The following DOCK1 variants were observed in gnomAD, a reference collection of about 807,000 sequenced individuals.
DOCK1 encodes dedicator of cytokinesis protein 1.
Under a neutral mutation model 262.7 loss-of-function variants are expected in DOCK1, and 138 were observed. The observed-to-expected ratio is 0.53, with a 90% CI of 0.46 to 0.61. The LOEUF (loss-of-function observed/expected upper bound fraction) is 0.61. Among genes scored for constraint, DOCK1 ranks in the 20% least tolerant of loss-of-function variants. The pLI is 0.00. For missense variants in DOCK1, 1,908 were observed against 2,370.7 expected (o/e 0.80, Z 4.05); for synonymous variants, 866 against 867.4 (o/e 1.00, Z 0.03).
chr10:127,020,326 C>T (rs1298214189), intron 13 of DOCK1, among the ~76,000 whole-genome samples: 1 of 152,150 alleles, frequency 6.6e-6, no homozygotes, highest in Non-Finnish European at 1.5e-5. Context: ...AGGATGTCCT[C>T]ATGTTCAAAG....
At chr10:127,194,907 TCAC>T (rs55677285) in intron 27 of DOCK1, among the ~76,000 whole-genome samples, 123,801 of 151,948 alleles carry the variant, frequency 0.81, 50,921 homozygotes, top group South Asian at 0.92. Flanking sequence ...GTAAACCGCT[TCAC>T]CGCTGCTTCT....
chr10:127,424,622 A>G (rs868013275), intron 46 of DOCK1, among the ~76,000 whole-genome samples: 6 of 152,212 alleles, frequency 3.9e-5, no homozygotes, highest in Non-Finnish European at 1.5e-5. Context: ...GGAACTCAGG[A>G]GGCAGAAGGC....
At chr10:127,360,680 T>A (rs535897677) in intron 32 of DOCK1, among the ~76,000 whole-genome samples, 1 of 152,086 alleles carries the variant, frequency 6.6e-6, no homozygotes, top group Non-Finnish European at 1.5e-5. Context: ...AATAAGGGAG[T>A]GGACAGCTCA....
intron 47 of DOCK1, 129 bp from the exon 48 acceptor site, chr10:127,433,154 T>C (rs2069416097): frequency 7.7e-7 from 1 of 1,290,386 alleles, no homozygotes; most frequent in African/African-American, 1.5e-5. Context: ...CAAGAACATG[T>C]ACTGTTTACA....
At position 127,374,537 on chromosome 10, in the gene DOCK1, G is replaced by T. The variant is rs75482471; in HGVS notation, c.3675+323G>T. Among the ~76,000 whole-genome samples, 1,153 of 152,250 alleles carry T rather than the reference G, an allele frequency of 7.6e-3. 10 individuals carry two copies. The highest frequency in any genetic ancestry group is 0.026 in the African/African-American group (1,088 of 41,532). On this transcript the variant is annotated intron_variant, in intron 35 of 51. Transcript: ENST00000623213. Reference sequence around the variant, plus strand: ...TTTGTGATTAGGAGACCATAAACGCGTGCTATGTAGTACATAGGCTGAATG... The same window carrying T: ...TTTGTGATTAGGAGACCATAAACGCTTGCTATGTAGTACATAGGCTGAATG...
chr10:127,106,198 T>C (rs775768565), intron 23 of DOCK1, 33 bp from the exon 24 acceptor site: 13 of 1,563,018 alleles, frequency 8.3e-6, no homozygotes, highest in Non-Finnish European at 9.6e-6. Flanking sequence ...CTAACCTGCA[T>C]GCTGCTCAGC....
At chr10:126,967,778 A>G (rs1297082585) in intron 1 of DOCK1, among the ~76,000 whole-genome samples, 1 of 152,042 alleles carries the variant, frequency 6.6e-6, no homozygotes, top group Admixed American at 6.6e-5. Flanking sequence ...GCCCACCTGG[A>G]TTGATCCAGG....
At chr10:127,347,698 G>A (rs192980604) in intron 31 of DOCK1, among the ~76,000 whole-genome samples, 5 of 151,462 alleles carry the variant, frequency 3.3e-5, no homozygotes, top group Admixed American at 2.0e-4. Flanking sequence ...CGGGGGAAAG[G>A]CATGTGGTAT....
At chr10:127,255,307 G>A (rs550399464) in intron 28 of DOCK1, among the ~76,000 whole-genome samples, 12 of 152,114 alleles carry the variant, frequency 7.9e-5, no homozygotes, top group African/African-American at 1.9e-4. Context: ...ATACTGAAAC[G>A]GGAGGATCAC....
intron 23 of DOCK1, among the ~76,000 whole-genome samples, chr10:127,095,115 T>A (rs2047829782): frequency 6.6e-6 from 1 of 152,152 alleles, no homozygotes; most frequent in Non-Finnish European, 1.5e-5. Flanking sequence ...TCCTGGCAAG[T>A]GGATTGTGGG....
intron 23 of DOCK1, among the ~76,000 whole-genome samples, chr10:127,101,784 A>G (rs763268450): frequency 4.6e-5 from 7 of 152,216 alleles, no homozygotes; most frequent in Non-Finnish European, 8.8e-5. Flanking sequence ...AACTTGCTAC[A>G]GGCGGTTGAT....
intron 27 of DOCK1, among the ~76,000 whole-genome samples, chr10:127,162,792 T>C (rs908238394): frequency 2.0e-5 from 3 of 152,226 alleles, no homozygotes; most frequent in African/African-American, 7.2e-5. Flanking sequence ...TCCCAGTTCA[T>C]CTGGGGCTTG....
chr10:127,187,897 T>C (rs905009170), intron 27 of DOCK1, among the ~76,000 whole-genome samples: 1 of 152,180 alleles, frequency 6.6e-6, no homozygotes, highest in African/African-American at 2.4e-5. Context: ...ATGCCTAATA[T>C]AATTTTAATA....
intron 12 of DOCK1, among the ~76,000 whole-genome samples, chr10:127,015,341 G>A (rs1282289824): frequency 6.6e-6 from 1 of 151,810 alleles, no homozygotes; most frequent in African/African-American, 2.4e-5. Flanking sequence ...CCCTCTCCCT[G>A]AGCGCCCCCG....
At chr10:127,436,460 A>G (rs1270706517) in intron 48 of DOCK1, among the ~76,000 whole-genome samples, 2 of 152,138 alleles carry the variant, frequency 1.3e-5, no homozygotes, top group African/African-American at 4.8e-5. Context: ...TTGTGGCTGT[A>G]GTGAGCCATG....
intron 31 of DOCK1, among the ~76,000 whole-genome samples, chr10:127,352,650 T>C (rs1163968468): frequency 6.6e-6 from 1 of 152,130 alleles, no homozygotes; most frequent in Non-Finnish European, 1.5e-5. Flanking sequence ...TGGAGTGCAG[T>C]GGCGAGATCT....
At chr10:127,152,224 A>C (rs2052569508) in intron 27 of DOCK1, among the ~76,000 whole-genome samples, 1 of 152,204 alleles carries the variant, frequency 6.6e-6, no homozygotes. Context: ...ACTGATGTTC[A>C]CGGAGGGTCA....
chr10:126,989,237 G>A (rs931697999), intron 5 of DOCK1, among the ~76,000 whole-genome samples: 38 of 152,292 alleles, frequency 2.5e-4, no homozygotes, highest in African/African-American at 7.9e-4. Context: ...AGCTCAGTAC[G>A]TGGTTTAGAT....
At position 127,147,128 on chromosome 10, in the gene DOCK1, A is replaced by G. The variant is rs557508493; in HGVS notation, c.2847+19364A>G. Among the ~76,000 whole-genome samples the G allele has an allele frequency of 2.6e-5, 4 of 152,326 alleles. No individual in the cohort carries two copies. The East Asian group carries it at 5.8e-4, about 22-fold the overall frequency. ...TCTCATAATGTTAGATATTTTCCTC[A>G]TCTTTCCTGAAATCCTCCAGTCATT... On this transcript the variant is annotated intron_variant, in intron 27 of 51. Coordinates refer to ENST00000623213, the MANE Select transcript of DOCK1 (RefSeq NM_001290223.2).
Sources: gnomAD v4.1 joint callset for allele counts (sites outside exome capture counted in the v4.1 genomes callset) on GRCh38, gnomAD v4.1.1 for gene constraint, MANE v1.5 for transcripts, NCBI Gene and HGNC (gene_info 2026-07-23, HGNC 2026-07-21) for gene names.